Variants in KIT observed in about 807,000 individuals in gnomAD.
KIT encodes the protein KIT proto-oncogene, receptor tyrosine kinase.
KIT carries 16 observed loss-of-function variants against 105.7 expected under a neutral mutation model. That is an observed-to-expected ratio of 0.15 (90% CI 0.10 to 0.23). KIT has a LOEUF of 0.23. Ranked by LOEUF, KIT falls within the 10% of genes least tolerant of loss-of-function variation. The probability of loss-of-function intolerance (pLI) is 1.00; values close to 1 mark genes in which losing one functional copy is unlikely to be tolerated. For synonymous variants in KIT, 438 were observed against 441.1 expected (o/e 0.99, Z 0.09); for missense variants, 858 against 1,213.8 (o/e 0.71, Z 4.36).
At chr4:54,683,499 CA>C (rs1245662150) in intron 1 of KIT, among the ~76,000 whole-genome samples, 1 of 152,136 alleles carries the variant, frequency 6.6e-6, no homozygotes, top group African/African-American at 2.4e-5. Flanking sequence ...GTGGGGAAGA[CA>C]AAACCCCCAA....
intron 5 of KIT, among the ~76,000 whole-genome samples, chr4:54,705,389 G>C (rs1396322073): frequency 6.6e-6 from 1 of 152,130 alleles, no homozygotes; most frequent in Non-Finnish European, 1.5e-5. Context: ...ATCCATGATG[G>C]AGTGATGAAG....
intron 9 of KIT, among the ~76,000 whole-genome samples, chr4:54,726,755 G>A (rs1722239836): frequency 6.6e-6 from 1 of 151,878 alleles, no homozygotes; most frequent in African/African-American, 2.4e-5. Context: ...TTTCAGACAG[G>A]GCAACGAAAA....
In KIT at chr4:54,738,180, AGCTAAGCTTGTGCATGTTTT is replaced by A. The variant is rs373157953; in HGVS notation, c.2803-247_2803-228del. ...GGTGCCTGGTGTGCCCTTTTAGAAG[AGCTAAGCTTGTGCATGTTTT>A]GTCCCCACTTCTTGTATAAAGTTAT... On this transcript the variant is annotated intron_variant, in intron 20 of 20. Coordinates refer to ENST00000288135, the MANE Select transcript of KIT (RefSeq NM_000222.3). Among the ~76,000 whole-genome samples the A allele has an allele frequency of 6.1e-3, 930 of 152,260 alleles. 12 individuals are homozygous for A. Among genetic ancestry groups the A allele is most frequent in the African/African-American group, 0.021 (890 of 41,540 alleles).
chr4:54,671,736 C>T (rs1282551917), intron 1 of KIT, among the ~76,000 whole-genome samples: 1 of 152,016 alleles, frequency 6.6e-6, no homozygotes, highest in Non-Finnish European at 1.5e-5. Flanking sequence ...TGTTAGCAGC[C>T]ATTTTTCAAT....
At chr4:54,660,351 T>C (rs1391684568) in intron 1 of KIT, among the ~76,000 whole-genome samples, 2 of 152,144 alleles carry the variant, frequency 1.3e-5, no homozygotes, top group Non-Finnish European at 2.9e-5. Context: ...TAGTGAATCA[T>C]ACCTTCCCCG....
At chr4:54,699,046 G>A (rs2109676561) in intron 3 of KIT, among the ~76,000 whole-genome samples, 1 of 152,322 alleles carries the variant, frequency 6.6e-6, no homozygotes. Flanking sequence ...TGTTATGGTT[G>A]TGCCGTTATG....
chr4:54,697,791 A>G (rs1247836095), intron 2 of KIT, among the ~76,000 whole-genome samples: 1 of 152,190 alleles, frequency 6.6e-6, no homozygotes, highest in Admixed American at 6.5e-5. Flanking sequence ...TCCTGCACCA[A>G]GTGGTTAGAA....
intron 1 of KIT, among the ~76,000 whole-genome samples, chr4:54,676,027 G>A (rs1260326497): frequency 6.6e-6 from 1 of 152,180 alleles, no homozygotes. Context: ...CCAGTGCTAG[G>A]CCGATTTCTA....
At chr4:54,736,324 A>G (rs540168926) in intron 17 of KIT, among the ~76,000 whole-genome samples, 174 bp from the exon 18 acceptor site, 1 of 152,292 alleles carries the variant, frequency 6.6e-6, no homozygotes, top group Non-Finnish European at 1.5e-5. Flanking sequence ...TGAGCCATGT[A>G]TTTCAGAGGT....
intron 7 of KIT, among the ~76,000 whole-genome samples, chr4:54,721,508 C>T (rs531932033): frequency 6.6e-6 from 1 of 152,322 alleles, no homozygotes; most frequent in Admixed American, 6.5e-5. Context: ...GATCCAAACT[C>T]TCAAGGATGC....
intron 1 of KIT, among the ~76,000 whole-genome samples, chr4:54,671,362 C>G (rs1718097949): frequency 6.6e-6 from 1 of 152,108 alleles, no homozygotes; most frequent in Admixed American, 6.5e-5. Context: ...AAGTGGTACC[C>G]TCTTGGAATA....
At chr4:54,723,966 G>C (rs1722060578) in intron 8 of KIT, among the ~76,000 whole-genome samples, 1 of 152,124 alleles carries the variant, frequency 6.6e-6, no homozygotes, top group Non-Finnish European at 1.5e-5. Flanking sequence ...CCTGCAGGTA[G>C]ATAAAGCAAT....
At position 54,658,093 on chromosome 4, in the gene KIT, C is replaced by T. The variant is rs374618962; in HGVS notation, c.67+12C>T. ...TCGCGTCCAGACAGGTGGGACACCG[C>T]GGCTGGCACCCCGACCGTGCGACTA... On this transcript the variant is annotated intron_variant, in intron 1 of 20. Transcript: ENST00000288135. 6.3e-5 allele frequency: 101 copies of T among 1,613,226 alleles called. No individual in the cohort carries two copies. In the African/African-American group the frequency reaches 1.2e-3, roughly 19 times the overall value.
chr4:54,704,002 G>A (rs749188007), intron 5 of KIT, 110 bp downstream of exon 5: 1 of 966,980 alleles, frequency 1.0e-6, no homozygotes, highest in Non-Finnish European at 1.7e-6. Context: ...TTAGAATTTT[G>A]TTATCACTGA....
intron 1 of KIT, among the ~76,000 whole-genome samples, chr4:54,662,645 T>G (rs549219199): frequency 1.1e-4 from 17 of 152,312 alleles, no homozygotes; most frequent in Non-Finnish European, 2.4e-4. Flanking sequence ...CAATCTCGTC[T>G]CACTGCAACC....
chr4:54,693,243 TC>T (rs1719833415), intron 1 of KIT, among the ~76,000 whole-genome samples: 1 of 152,202 alleles, frequency 6.6e-6, no homozygotes, highest in African/African-American at 2.4e-5. Context: ...GGTCTTTTGT[TC>T]ATTCCCTGCC....
intron 1 of KIT, among the ~76,000 whole-genome samples, chr4:54,680,217 A>G (rs985167822): frequency 3.6e-4 from 55 of 152,178 alleles, no homozygotes; most frequent in African/African-American, 1.3e-3. Context: ...TGCCAGATAT[A>G]TGTGTATATA....
rs949820711 is a variant in KIT, at chr4:54,721,089, G to A, written c.1232-2495G>A. On this transcript the variant is annotated intron_variant, in intron 7 of 20. Coordinates refer to ENST00000288135, the MANE Select transcript of KIT (RefSeq NM_000222.3). The stretch of plus-strand genomic sequence containing the variant: ...AGTGCTTACTGTGTGCCTGCTGTGG[G>A]TCTCACTGAGCTAGGAGTCACAAGT... Among the ~76,000 whole-genome samples, 5 of 152,174 alleles carry A rather than the reference G, an allele frequency of 3.3e-5. 1 individual carries two copies. The highest frequency in any genetic ancestry group is 1.3e-4 in the Admixed American group (2 of 15,280).
chr4:54,708,778 CT>C (rs1272488175), intron 6 of KIT, among the ~76,000 whole-genome samples: 2 of 152,108 alleles, frequency 1.3e-5, no homozygotes, highest in African/African-American at 4.8e-5. Flanking sequence ...GGGTCGTGGA[CT>C]GCCCAGGGTG....
Sources: gnomAD v4.1 joint callset for allele counts (sites outside exome capture counted in the v4.1 genomes callset) on GRCh38, gnomAD v4.1.1 for gene constraint, MANE v1.5 for transcripts, NCBI Gene and HGNC (gene_info 2026-07-23, HGNC 2026-07-21) for gene names.